The following PTPRN2 variants were observed in gnomAD, a reference collection of about 807,000 sequenced individuals.
The protein encoded by PTPRN2 is protein tyrosine phosphatase receptor type N2.
In PTPRN2, 74 loss-of-function variants were observed where a neutral mutation model predicts 118.8. The ratio of observed to expected loss-of-function variants is 0.62; its 90% confidence interval spans 0.52 to 0.76. The LOEUF is 0.76. Among genes scored for constraint, PTPRN2 ranks in the 30% least tolerant of loss-of-function variants. The pLI is 0.00. For missense variants in PTPRN2, 1,481 were observed against 1,394.4 expected, an observed-to-expected ratio of 1.06 and a Z score of -0.99; for synonymous variants, 641 against 608.0, an observed-to-expected ratio of 1.05 and a Z score of -0.80.
rs547087549 is a variant in PTPRN2, at chr7:157,974,076, A to G, written c.1724-75339T>C. ...GGTAGCAGGTGTGGCCATAACATGG[A>G]GCACAGGCTGAGCTGCCTGACTTGC... is the stretch of plus-strand genomic sequence containing the variant. On this transcript the variant is annotated intron_variant, in intron 11 of 22. Transcript: ENST00000389418. The surrounding 1 kb of genome is among the most constrained non-coding windows in gnomAD (Gnocchi z 4.0). 6.6e-6 allele frequency among the ~76,000 whole-genome samples: 1 copy of G among 152,292 alleles called. No individual in the cohort carries two copies. The highest frequency in any genetic ancestry group is 2.4e-5 in the African/African-American group (1 of 41,556).
chr7:157,828,979 A>G (rs1420445526), intron 12 of PTPRN2, among the ~76,000 whole-genome samples: 1 of 152,158 alleles, frequency 6.6e-6, no homozygotes, highest in East Asian at 1.9e-4. Flanking sequence ...ATAATTTTCT[A>G]AGGGAAATTG....
At chr7:157,557,925 C>T (rs1798985532) in intron 21 of PTPRN2, among the ~76,000 whole-genome samples, 1 of 150,678 alleles carries the variant, frequency 6.6e-6, no homozygotes, top group African/African-American at 2.5e-5. Flanking sequence ...TTTAAAGTCA[C>T]CATCCCCAAT....
intron 3 of PTPRN2, among the ~76,000 whole-genome samples, chr7:158,304,511 AC>A (rs1196670267): frequency 1.3e-5 from 2 of 151,432 alleles, no homozygotes; most frequent in Non-Finnish European, 2.9e-5. Flanking sequence ...GGCATAAGAC[AC>A]CCGTCAATAG....
At chr7:158,242,911 T>C (rs1045786292) in intron 3 of PTPRN2, among the ~76,000 whole-genome samples, 1 of 152,264 alleles carries the variant, frequency 6.6e-6, no homozygotes, top group Non-Finnish European at 1.5e-5. Flanking sequence ...GAGTCTTCTC[T>C]CATTTCTCAG....
At chr7:158,243,884 T>C (rs1015226853) in intron 3 of PTPRN2, among the ~76,000 whole-genome samples, 2 of 152,164 alleles carry the variant, frequency 1.3e-5, no homozygotes, top group Non-Finnish European at 2.9e-5. Context: ...TACAAAGTAC[T>C]ATTAATGATA....
At chr7:158,381,288 A>T (rs1810949054) in intron 2 of PTPRN2, among the ~76,000 whole-genome samples, 1 of 152,078 alleles carries the variant, frequency 6.6e-6, no homozygotes, top group Non-Finnish European at 1.5e-5. Flanking sequence ...CTACAAAACC[A>T]AGCACCCAAG....
chr7:158,151,751 T>C (rs1821195375), intron 6 of PTPRN2, among the ~76,000 whole-genome samples: 1 of 152,180 alleles, frequency 6.6e-6, no homozygotes, highest in South Asian at 2.1e-4. Flanking sequence ...CCTTCCTTCC[T>C]GCCACAAATA....
intron 3 of PTPRN2, among the ~76,000 whole-genome samples, chr7:158,249,564 A>G (rs1198408538): frequency 2.8e-4 from 37 of 133,622 alleles, no homozygotes; most frequent in African/African-American, 4.5e-4. Context: ...ACACCTGCAC[A>G]CACACACCCT....
intron 7 of PTPRN2, among the ~76,000 whole-genome samples, chr7:158,137,934 G>C (rs529185833): frequency 6.6e-5 from 10 of 152,282 alleles, no homozygotes; most frequent in African/African-American, 2.4e-4. Flanking sequence ...GCCCCAAGCA[G>C]ACATTTGAAT....
intron 1 of PTPRN2, among the ~76,000 whole-genome samples, chr7:158,524,961 A>G (rs1824657701): frequency 6.6e-6 from 1 of 152,152 alleles, no homozygotes; most frequent in African/African-American, 2.4e-5. Context: ...GGGCTCCTCC[A>G]GCACAGCCAA....
At chr7:158,363,619 G>A (rs957051453) in intron 2 of PTPRN2, among the ~76,000 whole-genome samples, 3 of 152,182 alleles carry the variant, frequency 2.0e-5, no homozygotes, top group Admixed American at 6.5e-5. Context: ...GGAGAGAACC[G>A]CGCATGCTGA....
At chr7:157,902,098 C>A (rs1797495688) in intron 11 of PTPRN2, among the ~76,000 whole-genome samples, 1 of 152,242 alleles carries the variant, frequency 6.6e-6, no homozygotes, top group African/African-American at 2.4e-5. Context: ...TCCCGCCACC[C>A]TGAATTGGCA....
Position 157,788,200 on chromosome 7 carries a change from T to G in PTPRN2, c.1789-105263A>C, listed in dbSNP as rs141829781. 7.3e-3 allele frequency among the ~76,000 whole-genome samples: 1,113 copies of G among 151,890 alleles called. 13 individuals are homozygous for G. Among genetic ancestry groups the G allele is most frequent in the African/African-American group, 0.025 (1,054 of 41,386 alleles). On this transcript the variant is annotated intron_variant, in intron 12 of 22. Coordinates refer to ENST00000389418, the MANE Select transcript of PTPRN2 (RefSeq NM_002847.5). ...ATCATCCCGGCTAACATGGTGAAAC[T>G]CCGTCTCTACTAAAAGTACAAAAAA... is the stretch of plus-strand genomic sequence containing the variant.
intron 6 of PTPRN2, among the ~76,000 whole-genome samples, chr7:158,157,942 G>A (rs1315178318): frequency 3.9e-5 from 6 of 152,332 alleles, no homozygotes; most frequent in African/African-American, 9.6e-5. Flanking sequence ...GAGGGTGCTC[G>A]TGAACTCCAG....
At chr7:157,842,502 C>A (rs904062918) in intron 12 of PTPRN2, among the ~76,000 whole-genome samples, 20 of 151,170 alleles carry the variant, frequency 1.3e-4, no homozygotes, top group South Asian at 4.2e-4. Context: ...GCAACCTCCA[C>A]CTCCCGTATT....
chr7:157,754,445 G>A (rs1157207795), intron 12 of PTPRN2, among the ~76,000 whole-genome samples: 1 of 152,258 alleles, frequency 6.6e-6, no homozygotes, highest in Non-Finnish European at 1.5e-5. Context: ...ACCGGGAGGA[G>A]GCGGTGTGGG....
In PTPRN2 at chr7:157,596,086, G is replaced by A. The variant is rs1243754515; in HGVS notation, c.2419-771C>T. Among the ~76,000 whole-genome samples, 1 of 152,252 alleles carries A rather than the reference G, an allele frequency of 6.6e-6. No individual in the cohort carries two copies. The highest frequency in any genetic ancestry group is 2.1e-4 in the South Asian group (1 of 4,834). ...TTGCTAGAGCCACAGGGCTGGCTGG[G>A]GTGAGGCTGAGCTCCAAGCTCTCAA... On this transcript the variant is annotated intron_variant, in intron 16 of 22. Transcript: ENST00000389418. This position sits in a 1 kb window ranked among gnomAD's most constrained non-coding sequence, Gnocchi z 4.2.
chr7:157,724,979 T>A (rs1454809537), intron 12 of PTPRN2, among the ~76,000 whole-genome samples: 2 of 152,260 alleles, frequency 1.3e-5, no homozygotes, highest in African/African-American at 4.8e-5. Flanking sequence ...TAATATTAAC[T>A]AAATTTTATA....
chr7:158,135,902 C>T (rs561769190), intron 8 of PTPRN2, among the ~76,000 whole-genome samples: 5 of 152,256 alleles, frequency 3.3e-5, no homozygotes, highest in African/African-American at 4.8e-5. Flanking sequence ...CATGCAATGT[C>T]ACTGCTGTTG....
Sources: gnomAD v4.1 joint callset for allele counts (sites outside exome capture counted in the v4.1 genomes callset) on GRCh38, gnomAD v4.1.1 for gene constraint, Gnocchi (gnomAD v3.1) non-coding constraint, MANE v1.5 for transcripts, NCBI Gene and HGNC (gene_info 2026-07-23, HGNC 2026-07-21) for gene names.